The following RIMBP2 variants were observed in gnomAD, a reference collection of about 807,000 sequenced individuals.
RIMBP2 encodes the protein RIMS binding protein 2, also known as RIMS-binding protein 2.
Under a neutral mutation model 118.6 loss-of-function variants are expected in RIMBP2, and 48 were observed. That is an observed-to-expected ratio of 0.40 (90% CI 0.32 to 0.51). The LOEUF is 0.51. Ranked by LOEUF, RIMBP2 falls within the 20% of genes least tolerant of loss-of-function variation. The pLI is 0.41. For synonymous variants in RIMBP2, 762 were observed against 742.9 expected, an observed-to-expected ratio of 1.03 and a Z score of -0.42; for missense variants, 1,551 against 1,768.3, an observed-to-expected ratio of 0.88 and a Z score of 2.20.
intron 2 of RIMBP2, among the ~76,000 whole-genome samples, chr12:130,573,280 TAG>T (rs1418250103): frequency 6.6e-6 from 1 of 152,040 alleles, no homozygotes; most frequent in African/African-American, 2.4e-5. Flanking sequence ...ACTCGGAGCA[TAG>T]AGACGATGAT....
At chr12:130,499,926 G>C (rs974667381) in intron 4 of RIMBP2, among the ~76,000 whole-genome samples, 1 of 152,158 alleles carries the variant, frequency 6.6e-6, no homozygotes, top group Non-Finnish European at 1.5e-5. Flanking sequence ...TTTAGGTGTG[G>C]GTTCAATTAG....
chr12:130,624,472 G>A (rs550080003), intron 2 of RIMBP2, among the ~76,000 whole-genome samples: 2 of 152,080 alleles, frequency 1.3e-5, no homozygotes, highest in African/African-American at 4.8e-5. Flanking sequence ...ACCAAGACGT[G>A]TGTGTGTGTG....
At chr12:130,491,749 G>T (rs990350242) in intron 4 of RIMBP2, among the ~76,000 whole-genome samples, 1 of 152,228 alleles carries the variant, frequency 6.6e-6, no homozygotes, top group African/African-American at 2.4e-5. Flanking sequence ...GACCTTCCCA[G>T]GGCACGTGCT....
Position 130,463,597 on chromosome 12 carries a change from G to A in RIMBP2, c.154-6897C>T, listed in dbSNP as rs1196699631. Among the ~76,000 whole-genome samples the A allele has an allele frequency of 4.6e-5, 7 of 152,152 alleles. No homozygotes were observed. The South Asian group carries it at 6.2e-4, about 14-fold the overall frequency. ...TGCTGGCGGCTGGCATCCAAACGGGGTGGTTCTGAGAGCAAGGGGCCAGAT... is the reference window on the plus strand; with the variant it reads ...TGCTGGCGGCTGGCATCCAAACGGGATGGTTCTGAGAGCAAGGGGCCAGAT... On this transcript the variant is annotated intron_variant, in intron 6 of 22. Transcript: ENST00000690449.
chr12:130,549,059 C>G lies in RIMBP2; in HGVS notation c.-216-31142G>C, dbSNP rs116125110. 3.4e-3 allele frequency among the ~76,000 whole-genome samples: 510 copies of G among 152,230 alleles called. 1 individual carries two copies. The highest frequency in any genetic ancestry group is 0.012 in the African/African-American group (482 of 41,540). ...GTCTGTGCTAATAATTCTATTCTAC[C>G]CCTAATTAAATACTCCTAGGAAACT... On this transcript the variant is annotated intron_variant, in intron 2 of 22. Transcript: ENST00000690449.
chr12:130,535,738 C>CAT (rs55887629), intron 2 of RIMBP2, among the ~76,000 whole-genome samples: 87 of 66,666 alleles, frequency 1.3e-3, no homozygotes, highest in South Asian at 3.1e-3. Context: ...CATATATATA[C>CAT]ATATATATAT....
At chr12:130,598,553 C>T (rs2059686278) in intron 2 of RIMBP2, among the ~76,000 whole-genome samples, 1 of 151,932 alleles carries the variant, frequency 6.6e-6, no homozygotes, top group African/African-American at 2.4e-5. Flanking sequence ...ACGGTGAAAC[C>T]CCATCTCTAC....
chr12:130,487,136 G>A (rs897246619), intron 4 of RIMBP2, among the ~76,000 whole-genome samples: 4 of 152,196 alleles, frequency 2.6e-5, no homozygotes, highest in East Asian at 1.9e-4. Context: ...CCATGATCAC[G>A]TCAAGGTCAT....
At chr12:130,606,945 C>T (rs1409660901) in intron 2 of RIMBP2, among the ~76,000 whole-genome samples, 1 of 152,168 alleles carries the variant, frequency 6.6e-6, no homozygotes, top group Non-Finnish European at 1.5e-5. Flanking sequence ...AATTCTCCTG[C>T]CTCAGCCTCC....
intron 4 of RIMBP2, among the ~76,000 whole-genome samples, chr12:130,503,543 C>T (rs2050010841): frequency 6.6e-6 from 1 of 152,206 alleles, no homozygotes; most frequent in South Asian, 2.1e-4. Flanking sequence ...CCATTAGGCT[C>T]TTCTTCTCCA....
At chr12:130,573,737 C>T (rs1460448002) in intron 2 of RIMBP2, among the ~76,000 whole-genome samples, 1 of 151,936 alleles carries the variant, frequency 6.6e-6, no homozygotes, top group Non-Finnish European at 1.5e-5. Flanking sequence ...AGTGGAGAAA[C>T]GCAGGAAGCC....
intron 21 of RIMBP2, among the ~76,000 whole-genome samples, chr12:130,400,729 T>C (rs1262309721): frequency 6.6e-6 from 1 of 152,180 alleles, no homozygotes; most frequent in East Asian, 1.9e-4. Context: ...AAGTCATCTA[T>C]CTGCTAAGGG....
chr12:130,711,646 C>T (rs1429411825), intron 1 of RIMBP2, among the ~76,000 whole-genome samples: 1 of 152,160 alleles, frequency 6.6e-6, no homozygotes, highest in East Asian at 1.9e-4. Context: ...ATGAAAATAA[C>T]CACAAAAAAG....
chr12:130,541,269 A>G (rs990394913), intron 2 of RIMBP2, among the ~76,000 whole-genome samples: 10 of 152,172 alleles, frequency 6.6e-5, no homozygotes, highest in Admixed American at 2.0e-4. Flanking sequence ...ATCTTTCTTC[A>G]GGTTAGCTAC....
chr12:130,411,106 T>C (rs1229173782), intron 19 of RIMBP2, among the ~76,000 whole-genome samples: 2 of 152,226 alleles, frequency 1.3e-5, no homozygotes, highest in Admixed American at 6.5e-5. Context: ...TGTTGTGTCA[T>C]TGTAAACGGC....
At chr12:130,513,070 C>T (rs1003894959) in intron 3 of RIMBP2, among the ~76,000 whole-genome samples, 1 of 152,204 alleles carries the variant, frequency 6.6e-6, no homozygotes, top group African/African-American at 2.4e-5. Flanking sequence ...TGTGCCTATA[C>T]TTCTACAACC....
At chr12:130,537,561 C>A (rs1241622738) in intron 2 of RIMBP2, among the ~76,000 whole-genome samples, 2 of 152,180 alleles carry the variant, frequency 1.3e-5, no homozygotes, top group African/African-American at 2.4e-5. Flanking sequence ...CTGACCCATA[C>A]CTCTGTGGGG....
chr12:130,496,487 C>CCTGCTGAGCAGCT (rs1566145299), intron 4 of RIMBP2, among the ~76,000 whole-genome samples: 2 of 152,140 alleles, frequency 1.3e-5, no homozygotes, highest in African/African-American at 4.8e-5. Flanking sequence ...TCTCAGCAGC[C>CCTGCTGAGCAGCT]CTGCTGAGCA....
rs145779060 is a variant in RIMBP2, at chr12:130,420,901, G to A, written c.3238+1552C>T. On this transcript the variant is annotated intron_variant, in intron 17 of 22. Coordinates refer to ENST00000690449, the MANE Select transcript of RIMBP2 (RefSeq NM_001393629.1). This position sits in a 1 kb window ranked among gnomAD's most constrained non-coding sequence, Gnocchi z 4.3. ...GAAGACCTACCATGCCTCTTCCAAA[G>A]GACGTCCTTTCTGAGCGCCTACAGC... 6.6e-6 allele frequency: 1 copy of A among 152,176 alleles called. No homozygotes were observed. The highest frequency in any genetic ancestry group is 1.5e-5 in the Non-Finnish European group (1 of 68,062). The allele number at this position is 152,176 out of a possible 1,614,324, so 9.4% of individuals were successfully genotyped here. A position where few individuals can be genotyped will look rare whatever the true frequency, so the allele number is the denominator to read the frequency against.
Sources: allele counts gnomAD v4.1 joint callset (sites outside exome capture counted in the v4.1 genomes callset), GRCh38; gene constraint gnomAD v4.1.1; non-coding constraint Gnocchi (gnomAD v3.1); transcripts MANE v1.5; gene names NCBI Gene and HGNC (gene_info 2026-07-23, HGNC 2026-07-21).